The following ANK3 variants were observed in gnomAD, a reference collection of about 807,000 sequenced individuals.
ANK3 encodes ankyrin 3.
ANK3 carries 57 observed loss-of-function variants against 370.9 expected under a neutral mutation model. The ratio of observed to expected loss-of-function variants is 0.15; its 90% CI spans 0.12 to 0.19. The LOEUF (loss-of-function observed/expected upper bound fraction) is 0.19, where lower values mean the gene tolerates loss of function less well. Among genes scored for constraint, ANK3 ranks in the 10% least tolerant of loss-of-function variants. ANK3 has a pLI of 1.00. For missense variants in ANK3, 4,439 were observed against 5,302.1 expected, an observed-to-expected ratio of 0.84 and a Z score of 5.06; for synonymous variants, 1,929 against 1,946.3, an observed-to-expected ratio of 0.99 and a Z score of 0.23.
chr10:60,442,581 C>T (rs1330561041), intron 2 of ANK3, among the ~76,000 whole-genome samples: 1 of 151,982 alleles, frequency 6.6e-6, no homozygotes, highest in Non-Finnish European at 1.5e-5. Flanking sequence ...AGATATGTAA[C>T]CTATGGATGT....
chr10:60,093,278 TATC>T (rs573013388), intron 28 of ANK3, among the ~76,000 whole-genome samples: 75 of 152,310 alleles, frequency 4.9e-4, no homozygotes, highest in Admixed American at 2.3e-3. Context: ...CTATACAACA[TATC>T]ATCATCAGCT....
intron 43 of ANK3, among the ~76,000 whole-genome samples, chr10:60,032,201 T>TTTTTTTTTTTTTTTC: frequency 8.7e-6 from 1 of 115,590 alleles, no homozygotes; most frequent in Non-Finnish European, 1.9e-5. Flanking sequence ...CTTCTTTTTT[T>TTTTTTTTTTTTTTTC]TTTTTTTTTT....
At chr10:60,085,501 T>C (rs1305896177) in intron 30 of ANK3, among the ~76,000 whole-genome samples, 1 of 152,170 alleles carries the variant, frequency 6.6e-6, no homozygotes, top group Non-Finnish European at 1.5e-5. Flanking sequence ...GTCTGGGTAC[T>C]AATGAATGGC....
At chr10:60,097,331 C>T (rs567695251) in intron 28 of ANK3, among the ~76,000 whole-genome samples, 6 of 152,266 alleles carry the variant, frequency 3.9e-5, no homozygotes, top group South Asian at 2.1e-4. Context: ...GGTTGATAAA[C>T]GGATGAGTAA....
intron 1 of ANK3, among the ~76,000 whole-genome samples, chr10:60,382,775 G>A (rs918113318): frequency 2.2e-5 from 3 of 134,422 alleles, no homozygotes; most frequent in East Asian, 4.3e-4. Flanking sequence ...ATTCTCCTTC[G>A]ATATTTAACC....
intron 7 of ANK3, among the ~76,000 whole-genome samples, chr10:60,253,681 T>G (rs866256279): frequency 2.0e-5 from 3 of 152,228 alleles, no homozygotes; most frequent in African/African-American, 7.2e-5. Context: ...TTTAATGCAA[T>G]AGACACATGG....
At chr10:60,429,599 T>C (rs1156446578) in intron 2 of ANK3, among the ~76,000 whole-genome samples, 5 of 152,206 alleles carry the variant, frequency 3.3e-5, no homozygotes, top group Non-Finnish European at 5.9e-5. Flanking sequence ...AGTGGGAACA[T>C]TGGTTCAGCA....
At chr10:60,078,706 G>A (rs2084384598) in intron 36 of ANK3, among the ~76,000 whole-genome samples, 1 of 152,156 alleles carries the variant, frequency 6.6e-6, no homozygotes, top group South Asian at 2.1e-4. Flanking sequence ...TTCCTGGGGG[G>A]AAGGGGTTGG....
At chr10:60,033,569 T>C (rs887699615) in intron 43 of ANK3, among the ~76,000 whole-genome samples, 6 of 150,602 alleles carry the variant, frequency 4.0e-5, no homozygotes, top group African/African-American at 1.5e-4. Flanking sequence ...TGGATTTTCA[T>C]GGCAGCTGAT....
intron 35 of ANK3, chr10:60,081,749 C>T (rs562892320): frequency 4.2e-5 from 12 of 285,898 alleles, no homozygotes; most frequent in South Asian, 2.1e-4. Flanking sequence ...TTGGCGGGTT[C>T]GAAGGTAGTG....
At chr10:60,192,891 C>T (rs901017701) in intron 16 of ANK3, among the ~76,000 whole-genome samples, 1 of 152,068 alleles carries the variant, frequency 6.6e-6, no homozygotes, top group Non-Finnish European at 1.5e-5. Context: ...TCAACATCAA[C>T]AACTGCCCTG....
chr10:60,212,871 T>C (rs948522900), intron 9 of ANK3, among the ~76,000 whole-genome samples: 2 of 152,090 alleles, frequency 1.3e-5, no homozygotes, highest in African/African-American at 2.4e-5. Flanking sequence ...GGTTTTACTA[T>C]TAAAAAAAAG....
At chr10:60,447,992 G>T (rs1212661142) in intron 2 of ANK3, among the ~76,000 whole-genome samples, 1 of 152,118 alleles carries the variant, frequency 6.6e-6, no homozygotes, top group Non-Finnish European at 1.5e-5. Flanking sequence ...ATTAATGAAG[G>T]AGGGGCAGAT....
intron 2 of ANK3, among the ~76,000 whole-genome samples, chr10:60,449,923 ATAAAATGGTC>A (rs765855119): frequency 2.0e-5 from 3 of 152,226 alleles, no homozygotes; most frequent in Non-Finnish European, 4.4e-5. Flanking sequence ...AGAGGTAAAC[ATAAAATGGTC>A]TAAAAGTCTA....
chr10:60,191,968 G>T (rs947401098), intron 16 of ANK3, among the ~76,000 whole-genome samples: 4 of 152,016 alleles, frequency 2.6e-5, no homozygotes, highest in African/African-American at 9.7e-5. Context: ...GAGTGCAGTG[G>T]CGCGGTCTTG....
chr10:60,302,844 A>C (rs574437075), intron 1 of ANK3, among the ~76,000 whole-genome samples: 8 of 105,938 alleles, frequency 7.6e-5, no homozygotes, highest in South Asian at 2.9e-4. Context: ...AACAAACAAC[A>C]AAAAAAAAAA....
intron 1 of ANK3, among the ~76,000 whole-genome samples, chr10:60,372,065 T>C (rs1161249885): frequency 6.6e-6 from 1 of 152,230 alleles, no homozygotes; most frequent in African/African-American, 2.4e-5. Flanking sequence ...ATCTTTATAA[T>C]TCTACACTTT....
chr10:60,478,555 A>G (rs897825591), intron 2 of ANK3, among the ~76,000 whole-genome samples: 3 of 152,106 alleles, frequency 2.0e-5, no homozygotes, highest in African/African-American at 7.2e-5. Context: ...ATATAAGCCA[A>G]TTATTGCTGA....
At chr10:60,602,794 T>C (rs554936448) in intron 2 of ANK3, among the ~76,000 whole-genome samples, 65 of 152,298 alleles carry the variant, frequency 4.3e-4, no homozygotes, top group African/African-American at 1.1e-3. Context: ...TAAATCATCA[T>C]GATATCAAAA....
Sources: gnomAD v4.1 joint callset for allele counts (sites outside exome capture counted in the v4.1 genomes callset) on GRCh38, gnomAD v4.1.1 for gene constraint, MANE v1.5 for transcripts, NCBI Gene and HGNC (gene_info 2026-07-23, HGNC 2026-07-21) for gene names.